Variants in PARD3B observed in about 807,000 individuals in gnomAD.
PARD3B encodes partitioning defective 3 homolog B.
PARD3B carries 103 observed loss-of-function variants against 130.2 expected under a neutral mutation model. The ratio of observed to expected loss-of-function variants is 0.79; its 90% CI spans 0.67 to 0.93. The LOEUF (loss-of-function observed/expected upper bound fraction) is 0.93. Among genes scored for constraint, PARD3B ranks in the 40% least tolerant of loss-of-function variants. PARD3B has a pLI of 0.00. For synonymous variants in PARD3B, 583 were observed against 553.2 expected (o/e 1.05, Z -0.76); for missense variants, 1,609 against 1,499.2 (o/e 1.07, Z -1.21).
At position 205,269,176 on chromosome 2, in the gene PARD3B, G is replaced by A. The variant is rs1440394563; in HGVS notation, c.2185+23354G>A. ...GCATTTGACTTCAGATAAACAGACT[G>A]GATAAATTCCTACCTAAACAGAAAC... On this transcript the variant is annotated intron_variant, in intron 16 of 22. Transcript: ENST00000406610. This position sits in a 1 kb window ranked among gnomAD's most constrained non-coding sequence, Gnocchi z 4.7. Among the ~76,000 whole-genome samples the A allele has an allele frequency of 6.6e-6, 1 of 151,928 alleles. No homozygotes were observed. The highest frequency in any genetic ancestry group is 1.5e-5 in the Non-Finnish European group (1 of 67,942).
intron 21 of PARD3B, among the ~76,000 whole-genome samples, chr2:205,508,260 A>G (rs1213118630): frequency 6.6e-6 from 1 of 152,192 alleles, no homozygotes; most frequent in Non-Finnish European, 1.5e-5. Flanking sequence ...AGATGGGGTA[A>G]AGAATTAGAG....
chr2:204,667,001 G>C (rs1350368047), intron 1 of PARD3B, among the ~76,000 whole-genome samples: 1 of 152,190 alleles, frequency 6.6e-6, no homozygotes, highest in African/African-American at 2.4e-5. Flanking sequence ...CTGAGAACTG[G>C]ACATATGCAT....
At chr2:205,549,145 GGGAACTCTCATTCACCA>G (rs1446522093) in intron 21 of PARD3B, among the ~76,000 whole-genome samples, 1 of 152,146 alleles carries the variant, frequency 6.6e-6, no homozygotes, top group African/African-American at 2.4e-5. Flanking sequence ...GTGGAACACG[GGGAACTCTCATTCACCA>G]GGAACTCTCA....
At chr2:205,445,814 A>G (rs1434636831) in intron 20 of PARD3B, among the ~76,000 whole-genome samples, 1 of 152,194 alleles carries the variant, frequency 6.6e-6, no homozygotes, top group East Asian at 1.9e-4. Context: ...CCACTTCCAA[A>G]TACTGCTGCA....
At chr2:204,695,041 G>A (rs2037544631) in intron 2 of PARD3B, among the ~76,000 whole-genome samples, 2 of 151,900 alleles carry the variant, frequency 1.3e-5, no homozygotes, top group African/African-American at 4.8e-5. Flanking sequence ...TGGTTGGAGG[G>A]AAAAACCCAA....
At chr2:204,852,664 A>G (rs2044757608) in intron 2 of PARD3B, among the ~76,000 whole-genome samples, 1 of 151,156 alleles carries the variant, frequency 6.6e-6, no homozygotes, top group African/African-American at 2.5e-5. Flanking sequence ...TGTGCTTGAG[A>G]CATGCAATAA....
rs1258308548 is a variant in PARD3B, at chr2:205,146,605, A to C, written c.1435-12117A>C. Among the ~76,000 whole-genome samples, 2 of 151,866 alleles carry C rather than the reference A, an allele frequency of 1.3e-5. No homozygotes were observed. The highest frequency in any genetic ancestry group is 3.2e-3 in the Middle Eastern group (1 of 316). On this transcript the variant is annotated intron_variant, in intron 10 of 22. Transcript: ENST00000406610. The surrounding 1 kb of genome is among the most constrained non-coding windows in gnomAD (Gnocchi z 4.3). ...GGCGGAGCTTGCAGTGAGCCGAGAT[A>C]GCGCCACTGCACTCCAGCCTGGGCG...
intron 4 of PARD3B, among the ~76,000 whole-genome samples, chr2:205,082,217 A>G (rs1336383335): frequency 6.6e-6 from 1 of 151,826 alleles, no homozygotes; most frequent in African/African-American, 2.4e-5. Context: ...TCCCTTTTTC[A>G]TTCTTGACAT....
At chr2:205,109,873 C>T (rs553775424) in intron 5 of PARD3B, among the ~76,000 whole-genome samples, 4 of 152,012 alleles carry the variant, frequency 2.6e-5, no homozygotes, top group South Asian at 2.1e-4. Flanking sequence ...AGGCTGGTCT[C>T]GAACTTCTGA....
intron 21 of PARD3B, among the ~76,000 whole-genome samples, chr2:205,523,738 A>C (rs1353365439): frequency 6.6e-6 from 1 of 151,244 alleles, no homozygotes; most frequent in Non-Finnish European, 1.5e-5. Context: ...GATTATATGC[A>C]GTGTTTAATG....
intron 2 of PARD3B, among the ~76,000 whole-genome samples, chr2:204,782,816 C>G (rs187350578): frequency 1.3e-5 from 2 of 152,000 alleles, no homozygotes; most frequent in African/African-American, 4.8e-5. Context: ...ATGGCTGTTT[C>G]TAATGCAGTG....
intron 15 of PARD3B, among the ~76,000 whole-genome samples, chr2:205,198,700 C>T (rs957332996): frequency 6.6e-6 from 1 of 151,970 alleles, no homozygotes; most frequent in Non-Finnish European, 1.5e-5. Context: ...GAAAAAAGCC[C>T]CATTCTACTG....
At chr2:204,818,769 A>G (rs1184979996) in intron 2 of PARD3B, among the ~76,000 whole-genome samples, 4 of 152,210 alleles carry the variant, frequency 2.6e-5, no homozygotes, top group African/African-American at 9.6e-5. Context: ...AGGAAGTATC[A>G]TAAAGAAAAA....
At chr2:205,539,949 G>C (rs2052048243) in intron 21 of PARD3B, among the ~76,000 whole-genome samples, 1 of 152,130 alleles carries the variant, frequency 6.6e-6, no homozygotes, top group Middle Eastern at 3.2e-3. Flanking sequence ...GGAACAGAGG[G>C]GAAAAGACTC....
chr2:204,844,127 T>G (rs1427064285), intron 2 of PARD3B, among the ~76,000 whole-genome samples: 1 of 151,794 alleles, frequency 6.6e-6, no homozygotes, highest in East Asian at 1.9e-4. Flanking sequence ...TAATCACAAA[T>G]AAGCCTTTCC....
At chr2:204,699,439 C>T (rs954751112) in intron 2 of PARD3B, among the ~76,000 whole-genome samples, 1 of 152,008 alleles carries the variant, frequency 6.6e-6, no homozygotes, top group East Asian at 1.9e-4. Flanking sequence ...GTTCTTTAAA[C>T]AAGCTTCAGA....
At chr2:205,236,902 A>G (rs757944501) in intron 15 of PARD3B, among the ~76,000 whole-genome samples, 2 of 152,172 alleles carry the variant, frequency 1.3e-5, no homozygotes, top group African/African-American at 2.4e-5. Flanking sequence ...AAAGAGTACT[A>G]TTTGGGGACA....
chr2:204,714,006 T>A (rs2038597472), intron 2 of PARD3B, among the ~76,000 whole-genome samples: 1 of 152,214 alleles, frequency 6.6e-6, no homozygotes, highest in African/African-American at 2.4e-5. Flanking sequence ...TGTATGTTTA[T>A]TAACACATAT....
At chr2:205,087,327 T>G (rs1701798760) in intron 4 of PARD3B, among the ~76,000 whole-genome samples, 1 of 152,194 alleles carries the variant, frequency 6.6e-6, no homozygotes, top group Non-Finnish European at 1.5e-5. Context: ...TCTTTGTCCA[T>G]CATATAATGT....
Sources: allele counts gnomAD v4.1 joint callset (sites outside exome capture counted in the v4.1 genomes callset), GRCh38; gene constraint gnomAD v4.1.1; non-coding constraint Gnocchi (gnomAD v3.1); transcripts MANE v1.5; gene names NCBI Gene and HGNC (gene_info 2026-07-23, HGNC 2026-07-21).